DOCK1: variants seen among roughly 807,000 people sequenced by gnomAD.
The protein encoded by DOCK1 is dedicator of cytokinesis protein 1.
DOCK1 carries 138 observed loss-of-function variants against 262.7 expected under a neutral mutation model. The ratio of observed to expected loss-of-function variants is 0.53; its 90% CI spans 0.46 to 0.61. The LOEUF (loss-of-function observed/expected upper bound fraction) is 0.61, where lower values mean the gene tolerates loss of function less well. DOCK1 is among the 20% of genes least tolerant of loss of function. DOCK1 has a pLI of 0.00. For synonymous variants in DOCK1, 866 were observed against 867.4 expected (o/e 1.00, Z 0.03); for missense variants, 1,908 against 2,370.7 (o/e 0.80, Z 4.05).
intron 29 of DOCK1, among the ~76,000 whole-genome samples, chr10:127,307,752 A>T (rs2061928747): frequency 6.6e-6 from 1 of 152,192 alleles, no homozygotes. Context: ...TGTGAACGCC[A>T]CCATCTCAGG....
chr10:127,342,397 C>T (rs1334241139), intron 30 of DOCK1, among the ~76,000 whole-genome samples: 3 of 152,274 alleles, frequency 2.0e-5, no homozygotes, highest in African/African-American at 7.2e-5. Flanking sequence ...GTGCCTGGCT[C>T]AGACCCCCAT....
At position 127,384,772 on chromosome 10, in the gene DOCK1, G is replaced by A; in HGVS notation, c.3808-18G>A. 1 of 1,551,394 alleles carries A rather than the reference G, an allele frequency of 6.4e-7. No homozygotes were observed. Among genetic ancestry groups the A allele is most frequent in the Non-Finnish European group, 8.7e-7 (1 of 1,154,904 alleles). On this transcript the variant is annotated intron_variant, in intron 37 of 51. Transcript: ENST00000623213. ...GTGTTTCCGCCTCGGGTCCGCTCAT[G>A]CTATGCTTCTCCCTTAGTGGTCGGA... is the stretch of plus-strand genomic sequence containing the variant.
At chr10:127,370,488 T>C (rs926407389) in intron 33 of DOCK1, among the ~76,000 whole-genome samples, 1 of 152,192 alleles carries the variant, frequency 6.6e-6, no homozygotes, top group Non-Finnish European at 1.5e-5. Context: ...GCTGATTTTA[T>C]ACATTACAGA....
At chr10:127,221,524 T>A (rs2058435415) in intron 27 of DOCK1, among the ~76,000 whole-genome samples, 1 of 152,202 alleles carries the variant, frequency 6.6e-6, no homozygotes, top group Admixed American at 6.5e-5. Context: ...CAGGGAGCTC[T>A]GGGCATCCAT....
rs35788582 is a variant in DOCK1, at chr10:127,415,178, T to C, written c.4455T>C (p.Tyr1485=). The C allele has an allele frequency of 2.5e-3, 3,975 of 1,613,392 alleles. 81 individuals are homozygous for C. The African/African-American group carries it at 0.045, about 18-fold the overall frequency. The change falls in exon 44 of 52, where the codon TAT becomes TAC. Residue 1485 remains tyrosine, a synonymous_variant. Transcript: ENST00000623213. ...FANMWIERTI[Y]TTAYKLPGIL... ...ATATGTGGATCGAGAGAACCATATA[T>C]ACAACTGCATATAAATTACCTGGAA...
chr10:127,087,346 C>T (rs2047256638), intron 23 of DOCK1, among the ~76,000 whole-genome samples: 1 of 152,110 alleles, frequency 6.6e-6, no homozygotes, highest in South Asian at 2.1e-4. Context: ...TTAGATGGCT[C>T]ACTGTTTTAT....
chr10:126,940,975 A>G (rs2034936376), intron 1 of DOCK1, among the ~76,000 whole-genome samples: 1 of 152,256 alleles, frequency 6.6e-6, no homozygotes, highest in Non-Finnish European at 1.5e-5. Context: ...ATGAATCCAT[A>G]TATATGAGAA....
At chr10:127,197,894 A>G (rs1289090254) in intron 27 of DOCK1, among the ~76,000 whole-genome samples, 4 of 152,182 alleles carry the variant, frequency 2.6e-5, no homozygotes. Flanking sequence ...GACATTTCAG[A>G]AGAAAAAAAA....
At chr10:127,168,867 C>T (rs1361443250) in intron 27 of DOCK1, among the ~76,000 whole-genome samples, 1 of 152,184 alleles carries the variant, frequency 6.6e-6, no homozygotes, top group Non-Finnish European at 1.5e-5. Context: ...TGCTCTGTAA[C>T]TTAAATAGTC....
chr10:127,190,841 G>A lies in DOCK1; in HGVS notation c.2848-57167G>A, dbSNP rs1194250325. Among the ~76,000 whole-genome samples the A allele has an allele frequency of 3.3e-5, 5 of 151,846 alleles. No individual in the cohort carries two copies. The East Asian group carries it at 9.7e-4, about 29-fold the overall frequency. On this transcript the variant is annotated intron_variant, in intron 27 of 51. Coordinates refer to ENST00000623213, the MANE Select transcript of DOCK1 (RefSeq NM_001290223.2). The stretch of plus-strand genomic sequence containing the variant: ...TAGCTGCCCCCTAACTTACTTCCCA[G>A]TGCTACTGAGACTGGCACATTCTCA...
chr10:127,413,863 A>G (rs190756957), intron 43 of DOCK1, among the ~76,000 whole-genome samples: 2 of 152,192 alleles, frequency 1.3e-5, no homozygotes, highest in African/African-American at 2.4e-5. Context: ...CCTCCTATGG[A>G]ACGTAAGAAG....
At chr10:126,950,202 G>T (rs1215281013) in intron 1 of DOCK1, among the ~76,000 whole-genome samples, 1 of 152,118 alleles carries the variant, frequency 6.6e-6, no homozygotes, top group Non-Finnish European at 1.5e-5. Flanking sequence ...TCTCATTACA[G>T]CTTTTCCTAG....
At chr10:127,365,922 G>A (rs963177201) in intron 33 of DOCK1, among the ~76,000 whole-genome samples, 7 of 152,182 alleles carry the variant, frequency 4.6e-5, no homozygotes, top group Non-Finnish European at 4.4e-5. Flanking sequence ...TTGACCCAGC[G>A]TCAGGAGACA....
intron 29 of DOCK1, chr10:127,272,031 C>T (rs2060588486): frequency 6.6e-6 from 1 of 152,212 alleles, no homozygotes; most frequent in African/African-American, 2.4e-5. Flanking sequence ...GACATCAGTT[C>T]CATCACAACT....
intron 38 of DOCK1, among the ~76,000 whole-genome samples, chr10:127,396,966 C>G (rs188761844): frequency 9.6e-6 from 1 of 103,636 alleles, no homozygotes; most frequent in Non-Finnish European, 2.1e-5. Context: ...ACACGGGCAG[C>G]GTCTCCTGTG....
At chr10:127,005,824 A>AT (rs1321164304) in intron 10 of DOCK1, among the ~76,000 whole-genome samples, 1 of 152,026 alleles carries the variant, frequency 6.6e-6, no homozygotes, top group African/African-American at 2.4e-5. Context: ...TAACTGATTG[A>AT]TTTTTTAATG....
chr10:127,390,408 G>A (rs531780376), intron 38 of DOCK1, among the ~76,000 whole-genome samples: 2 of 152,268 alleles, frequency 1.3e-5, no homozygotes, highest in Non-Finnish European at 2.9e-5. Context: ...TTCCTATGTT[G>A]AAATCCTAAC....
Position 127,343,859 on chromosome 10 carries a change from A to G in DOCK1, c.3224+113A>G. 4.6e-6 allele frequency: 4 copies of G among 870,896 alleles called. No individual in the cohort carries two copies. The South Asian group carries it at 7.1e-5, about 15-fold the overall frequency. 53.9% of individuals were successfully genotyped at this position (870,896 alleles called of 1,614,324 possible). ...ACAAATTGAGATGTAATCACGGTGT[A>G]ATGAAAGGGTGGTTTTAAATCACCA... On this transcript the variant is annotated intron_variant, in intron 31 of 51. Coordinates refer to ENST00000623213, the MANE Select transcript of DOCK1 (RefSeq NM_001290223.2).
At chr10:127,368,886 A>G (rs2065064493) in intron 33 of DOCK1, among the ~76,000 whole-genome samples, 2 of 152,234 alleles carry the variant, frequency 1.3e-5, no homozygotes, top group Admixed American at 1.3e-4. Flanking sequence ...AACAGCTGAG[A>G]ATTGCAGCAA....
Sources: gnomAD v4.1 joint callset for allele counts (sites outside exome capture counted in the v4.1 genomes callset) on GRCh38, gnomAD v4.1.1 for gene constraint, MANE v1.5 for transcripts, NCBI Gene and HGNC (gene_info 2026-07-23, HGNC 2026-07-21) for gene names.